Variants in THSD7A observed in about 807,000 individuals in gnomAD.
THSD7A encodes thrombospondin type 1 domain containing 7A.
In THSD7A, 96 loss-of-function variants were observed where a neutral mutation model predicts 231.3. The observed-to-expected ratio is 0.41, with a 90% CI of 0.35 to 0.49. THSD7A has a LOEUF of 0.49. Among genes scored for constraint, THSD7A ranks in the 20% least tolerant of loss-of-function variants. The pLI is 0.05. For missense variants in THSD7A, 2,290 were observed against 2,070.2 expected (o/e 1.11, Z -2.06); for synonymous variants, 940 against 743.3 (o/e 1.26, Z -4.30).
intron 1 of THSD7A, among the ~76,000 whole-genome samples, chr7:11,645,044 C>A (rs1387429281): frequency 6.6e-6 from 1 of 151,792 alleles, no homozygotes; most frequent in African/African-American, 2.4e-5. Context: ...TACATGTTGC[C>A]CAACTGATTT....
chr7:11,627,948 T>C (rs151081049), intron 2 of THSD7A, among the ~76,000 whole-genome samples: 2 of 152,194 alleles, frequency 1.3e-5, no homozygotes, highest in Admixed American at 1.3e-4. Flanking sequence ...CTAAAATCAC[T>C]ATCATTAATA....
chr7:11,542,461 TAC>T (rs1789193439), intron 5 of THSD7A, among the ~76,000 whole-genome samples: 1 of 152,284 alleles, frequency 6.6e-6, no homozygotes, highest in South Asian at 2.1e-4. Context: ...ATGAAAGTAA[TAC>T]AGTTTTTACA....
At chr7:11,391,385 T>C (rs1057216797) in intron 23 of THSD7A, among the ~76,000 whole-genome samples, 2 of 152,202 alleles carry the variant, frequency 1.3e-5, no homozygotes, top group Admixed American at 1.3e-4. Context: ...TCCTGGTGAC[T>C]TTATTTACAC....
At chr7:11,759,827 T>C (rs1352482839) in intron 1 of THSD7A, among the ~76,000 whole-genome samples, 1 of 152,026 alleles carries the variant, frequency 6.6e-6, no homozygotes, top group Non-Finnish European at 1.5e-5. Context: ...ATCAACAAAT[T>C]GAGATAGTTT....
At chr7:11,517,442 G>C (rs1325953058) in intron 6 of THSD7A, among the ~76,000 whole-genome samples, 1 of 150,420 alleles carries the variant, frequency 6.6e-6, no homozygotes, top group African/African-American at 2.5e-5. Flanking sequence ...AAAAAGGTTT[G>C]CCCTCCTGAA....
At chr7:11,566,965 T>TAGCGGGGGGGGGGGGGGGGGGGGGG in intron 4 of THSD7A, among the ~76,000 whole-genome samples, 3 of 92,388 alleles carry the variant, frequency 3.2e-5, no homozygotes, top group African/African-American at 1.7e-4. Flanking sequence ...TGTGGGAGAG[T>TAGCGGGGGGGGGGGGGGGGGGGGGG]GGGGGGGGGA....
chr7:11,823,503 T>C (rs1459316491), intron 1 of THSD7A, among the ~76,000 whole-genome samples: 1 of 152,046 alleles, frequency 6.6e-6, no homozygotes, highest in Non-Finnish European at 1.5e-5. Context: ...ATGGCATTGG[T>C]ATTTTGATAG....
At chr7:11,568,230 A>G (rs1258420946) in intron 4 of THSD7A, among the ~76,000 whole-genome samples, 2 of 152,148 alleles carry the variant, frequency 1.3e-5, no homozygotes, top group Non-Finnish European at 2.9e-5. Flanking sequence ...TCTCCTCTGG[A>G]CAGAAACAAT....
At chr7:11,517,182 C>G (rs1159013237) in intron 6 of THSD7A, among the ~76,000 whole-genome samples, 1 of 152,042 alleles carries the variant, frequency 6.6e-6, no homozygotes, top group East Asian at 1.9e-4. Flanking sequence ...GGGTTCATGC[C>G]ATTCTCCTGC....
At position 11,637,044 on chromosome 7, in the gene THSD7A, G is replaced by C; in HGVS notation, c.191-83C>G. 1 of 1,277,388 alleles carries C rather than the reference G, an allele frequency of 7.8e-7. No homozygotes were observed. The highest frequency in any genetic ancestry group is 1.1e-6 in the Non-Finnish European group (1 of 926,314). 79.1% of individuals were successfully genotyped at this position (1,277,388 alleles called of 1,614,324 possible). Reference sequence around the variant, plus strand: ...TGCACATTCCAGAAAGACCTTTCAAGACCTAGTACATTAACTTCCCTGCGG... The same window carrying C: ...TGCACATTCCAGAAAGACCTTTCAACACCTAGTACATTAACTTCCCTGCGG... On this transcript the variant is annotated intron_variant, in intron 1 of 27. Transcript: ENST00000423059. This position sits in a 1 kb window ranked among gnomAD's most constrained non-coding sequence, Gnocchi z 4.2.
chr7:11,653,649 TTGCA>T (rs1350661457), intron 1 of THSD7A, among the ~76,000 whole-genome samples: 17 of 151,806 alleles, frequency 1.1e-4, no homozygotes, highest in Admixed American at 5.3e-4. Context: ...GCATGTGTCA[TTGCA>T]CCTAGCTTCA....
chr7:11,812,140 TGG>T lies in THSD7A; in HGVS notation c.190+19615_190+19616del, dbSNP rs1284042285. Among the ~76,000 whole-genome samples, 8 of 147,014 alleles carry T rather than the reference TGG, an allele frequency of 5.4e-5. No individual in the cohort carries two copies. In the South Asian group the frequency reaches 1.7e-3, roughly 32 times the overall value. ...GTGTGTGTGTGTGTGTGTGTGTGTG[TGG>T]GAGACAGAGAGAGAGATATGGGGAG... On this transcript the variant is annotated intron_variant, in intron 1 of 27. Coordinates refer to ENST00000423059, the MANE Select transcript of THSD7A (RefSeq NM_015204.3).
intron 6 of THSD7A, among the ~76,000 whole-genome samples, chr7:11,488,124 C>T (rs1786736629): frequency 1.3e-5 from 2 of 152,056 alleles, no homozygotes; most frequent in Admixed American, 6.6e-5. Flanking sequence ...TTAGAGAGAT[C>T]CCAGGATTGT....
intron 1 of THSD7A, among the ~76,000 whole-genome samples, chr7:11,807,189 CGT>C (rs1012763600): frequency 3.3e-5 from 5 of 152,134 alleles, no homozygotes; most frequent in Non-Finnish European, 7.4e-5. Flanking sequence ...CTCCACTGCA[CGT>C]GGTAATTGGG....
At chr7:11,621,276 A>G (rs761823223) in intron 2 of THSD7A, among the ~76,000 whole-genome samples, 41 of 152,278 alleles carry the variant, frequency 2.7e-4, no homozygotes, top group South Asian at 6.2e-4. Flanking sequence ...TATACGTTTC[A>G]CTCAATACTG....
At chr7:11,786,944 G>GC (rs200000833) in intron 1 of THSD7A, among the ~76,000 whole-genome samples, 1,944 of 152,058 alleles carry the variant, frequency 0.013, 34 homozygotes, top group African/African-American at 0.045. Context: ...TGGCCCTTAG[G>GC]CATTTTAGTG....
chr7:11,433,513 C>T (rs971882360), intron 13 of THSD7A, among the ~76,000 whole-genome samples: 1 of 151,892 alleles, frequency 6.6e-6, no homozygotes, highest in Non-Finnish European at 1.5e-5. Flanking sequence ...AATTAAGAAC[C>T]ATCCAAATCA....
At chr7:11,453,934 G>C (rs1266560658) in intron 11 of THSD7A, among the ~76,000 whole-genome samples, 1 of 151,924 alleles carries the variant, frequency 6.6e-6, no homozygotes, top group Admixed American at 6.6e-5. Context: ...ATTATGGCTA[G>C]GTTTCAATTA....
At chr7:11,551,577 C>G (rs555019870) in intron 4 of THSD7A, among the ~76,000 whole-genome samples, 11 of 151,986 alleles carry the variant, frequency 7.2e-5, no homozygotes, top group Non-Finnish European at 1.5e-4. Flanking sequence ...ATACACATGG[C>G]CAACAAACAT....
Sources: gnomAD v4.1 joint callset for allele counts (sites outside exome capture counted in the v4.1 genomes callset) on GRCh38, gnomAD v4.1.1 for gene constraint, Gnocchi (gnomAD v3.1) non-coding constraint, MANE v1.5 for transcripts, NCBI Gene and HGNC (gene_info 2026-07-23, HGNC 2026-07-21) for gene names.